DCHS2: variants seen among roughly 807,000 people sequenced by gnomAD.
DCHS2 encodes protocadherin-23.
In DCHS2, 142 loss-of-function variants were observed where a neutral mutation model predicts 182.4. The ratio of observed to expected loss-of-function variants is 0.78; its 90% confidence interval spans 0.68 to 0.89. The LOEUF is 0.89. Ranked by LOEUF, DCHS2 falls within the 40% of genes least tolerant of loss-of-function variation. The pLI, the probability that DCHS2 is intolerant of heterozygous loss-of-function variation, is 0.00. For missense variants in DCHS2, 4,319 were observed against 4,198.6 expected (o/e 1.03, Z -0.79); for synonymous variants, 1,740 against 1,663.3 (o/e 1.05, Z -1.12).
At chr4:154,408,832 G>C (rs1732506556) in intron 1 of DCHS2, among the ~76,000 whole-genome samples, 1 of 152,012 alleles carries the variant, frequency 6.6e-6, no homozygotes, top group Non-Finnish European at 1.5e-5. Flanking sequence ...GTAAGCAAGG[G>C]GACCCCAGCA....
At position 154,298,211 on chromosome 4, in the gene DCHS2, C is replaced by A. The variant is rs761928663; in HGVS notation, c.6103G>T (p.Asp2035Tyr). The change falls in exon 13 of 20, where the codon GAT becomes TAT. Residue 2035 changes from aspartate to tyrosine, a missense_variant. Coordinates refer to ENST00000357232, the MANE Select transcript of DCHS2 (RefSeq NM_001358235.2). The stretch of plus-strand genomic sequence containing the variant: ...AAAGGGTTCTGTTCCAAAACTGGAT[C>A]ATTGTCATTAACATCAGTGACATAT... The part of the protein sequence containing the change: ...KVYVTDVNDN[D>Y]PVLEQNPFDV... The A allele has an allele frequency of 1.9e-6, 3 of 1,614,112 alleles. No homozygotes were observed. In the South Asian group the frequency reaches 3.3e-5, roughly 18 times the overall value.
chr4:154,271,575 T>C (rs967354582), intron 13 of DCHS2, among the ~76,000 whole-genome samples: 2 of 152,156 alleles, frequency 1.3e-5, no homozygotes, highest in African/African-American at 4.8e-5. Context: ...TGGGAAGCTC[T>C]GTGGAAAAAG....
At chr4:154,437,081 G>A (rs28566725) in intron 1 of DCHS2, among the ~76,000 whole-genome samples, 5,529 of 152,156 alleles carry the variant, frequency 0.036, 328 homozygotes, top group African/African-American at 0.12. Flanking sequence ...TTTAGTTCCT[G>A]CATTCAAGTT....
intron 12 of DCHS2, among the ~76,000 whole-genome samples, chr4:154,299,938 C>T (rs1735131118): frequency 2.0e-5 from 3 of 152,132 alleles, no homozygotes; most frequent in Admixed American, 6.5e-5. Context: ...GGTGCTATTT[C>T]TCTGAGAAGT....
chr4:154,331,767 T>C, intron 5 of DCHS2: 1 of 1,558,388 alleles, frequency 6.4e-7, no homozygotes, highest in Non-Finnish European at 8.7e-7. Context: ...ACTTTGGGTG[T>C]ACTACTCGAG....
In DCHS2 at chr4:154,236,741, T is replaced by C. The variant is rs763977604; in HGVS notation, c.7911A>G (p.Ala2637=). ...TCAATGGAGGGCAGCCACTGTCAGATGCCAGAATGACAAGCTCATGGCTAG... is the reference window on the plus strand; with the variant it reads ...TCAATGGAGGGCAGCCACTGTCAGACGCCAGAATGACAAGCTCATGGCTAG... ...ASASHELVIL[A]SDSGCPPLSS... The change falls in exon 20 of 20, where the codon GCA becomes GCG. Residue 2637 remains alanine (A), a synonymous_variant. Coordinates refer to ENST00000357232, the MANE Select transcript of DCHS2 (RefSeq NM_001358235.2). 1.2e-6 allele frequency: 2 copies of C among 1,614,050 alleles called. No individual in the cohort carries two copies. The highest frequency in any genetic ancestry group is 1.7e-6 in the Non-Finnish European group (2 of 1,179,974).
chr4:154,424,598 G>A (rs1162488157), intron 1 of DCHS2, among the ~76,000 whole-genome samples: 1 of 152,104 alleles, frequency 6.6e-6, no homozygotes, highest in African/African-American at 2.4e-5. Flanking sequence ...AGAATCTCTT[G>A]GATTTTAGAA....
At chr4:154,316,371 C>A (rs1735856177) in intron 9 of DCHS2, among the ~76,000 whole-genome samples, 1 of 152,108 alleles carries the variant, frequency 6.6e-6, no homozygotes, top group Non-Finnish European at 1.5e-5. Context: ...GACCAAGTTA[C>A]AAAAATGTGG....
At chr4:154,249,676 G>T (rs376022483) in intron 16 of DCHS2, among the ~76,000 whole-genome samples, 1 of 152,062 alleles carries the variant, frequency 6.6e-6, no homozygotes, top group African/African-American at 2.4e-5. Flanking sequence ...GCCTGTTAAT[G>T]GTGGATTGGA....
At chr4:154,417,045 A>C (rs1579063191) in intron 1 of DCHS2, among the ~76,000 whole-genome samples, 1 of 151,884 alleles carries the variant, frequency 6.6e-6, no homozygotes, top group East Asian at 1.9e-4. Flanking sequence ...TAGGAGCTGC[A>C]ACTACAACCA....
chr4:154,356,170 G>A (rs553864912), intron 3 of DCHS2, among the ~76,000 whole-genome samples: 1 of 151,852 alleles, frequency 6.6e-6, no homozygotes, highest in Admixed American at 6.6e-5. Flanking sequence ...CCCTGTGTAG[G>A]CCTAGGCTAA....
chr4:154,344,192 A>G (rs755124196), intron 3 of DCHS2, among the ~76,000 whole-genome samples: 5 of 152,212 alleles, frequency 3.3e-5, no homozygotes, highest in Non-Finnish European at 5.9e-5. Context: ...CTGATCACAG[A>G]TCATCATAAC....
intron 16 of DCHS2, among the ~76,000 whole-genome samples, chr4:154,254,335 C>T (rs551115396): frequency 6.6e-6 from 1 of 152,306 alleles, no homozygotes; most frequent in African/African-American, 2.4e-5. Context: ...TGTGCTTTTA[C>T]TCAAACAGGC....
chr4:154,398,968 C>G (rs1024939841), intron 1 of DCHS2, among the ~76,000 whole-genome samples: 2 of 152,300 alleles, frequency 1.3e-5, no homozygotes, highest in South Asian at 2.1e-4. Context: ...CCATCACCCC[C>G]GCCTTCTCAC....
chr4:154,237,211 C>A, intron 19 of DCHS2, 52 bp from the exon 20 acceptor site: 2 of 1,530,472 alleles, frequency 1.3e-6, no homozygotes, highest in Non-Finnish European at 8.7e-7. Context: ...TTTTGATGAT[C>A]CATTTAATCG....
rs184619033 is a variant in DCHS2, at chr4:154,490,796, C to T, written c.560G>A (p.Arg187His). 1.1e-5 allele frequency: 17 copies of T among 1,551,384 alleles called. No individual in the cohort carries two copies. Among genetic ancestry groups the T allele is most frequent in the African/African-American group, 4.1e-5 (3 of 73,060 alleles). ...SELSPPGTAF[R>H]LPVAHDPDAG... ...GTCCGGATCGTGGGCAACTGGCAGG[C>T]GGAAGGCGGTCCCTGGCGGGCTGAG... The change falls in exon 1 of 20, where the codon CGC (arginine) becomes CAC (histidine). Residue 187 changes from arginine (R) to histidine (H), a missense_variant. Arg to His is a conservative substitution (Grantham distance 29). Coordinates refer to ENST00000357232, the MANE Select transcript of DCHS2 (RefSeq NM_001358235.2).
chr4:154,436,418 G>T (rs1445479965), intron 1 of DCHS2, among the ~76,000 whole-genome samples: 2 of 152,068 alleles, frequency 1.3e-5, no homozygotes, highest in Admixed American at 6.6e-5. Flanking sequence ...TTAAATGTTA[G>T]ATTTGACTGC....
At chr4:154,415,680 C>G (rs867888374) in intron 1 of DCHS2, among the ~76,000 whole-genome samples, 9 of 152,208 alleles carry the variant, frequency 5.9e-5, no homozygotes, top group Middle Eastern at 6.8e-3. Flanking sequence ...CTCCAGGTCC[C>G]GAGCGTCAGT....
chr4:154,426,644 A>T (rs1327951653), intron 1 of DCHS2, among the ~76,000 whole-genome samples: 1 of 152,118 alleles, frequency 6.6e-6, no homozygotes, highest in Admixed American at 6.6e-5. Context: ...GTACATTTTA[A>T]AATAACTGGT....
Sources: gnomAD v4.1 joint callset for allele counts (sites outside exome capture counted in the v4.1 genomes callset) on GRCh38, gnomAD v4.1.1 for gene constraint, MANE v1.5 for transcripts, NCBI Gene and HGNC (gene_info 2026-07-23, HGNC 2026-07-21) for gene names.